Variants in METTL9 observed in about 807,000 individuals in gnomAD.
METTL9 encodes the protein methyltransferase 9, His-X-His N1(pi)-histidine.
METTL9 carries 10 observed loss-of-function variants against 36.0 expected under a neutral mutation model. That is an observed-to-expected ratio of 0.28 (90% CI 0.17 to 0.47). The LOEUF (loss-of-function observed/expected upper bound fraction) is 0.47, where lower values mean the gene tolerates loss of function less well. Among genes scored for constraint, METTL9 ranks in the 20% least tolerant of loss-of-function variants. METTL9 has a pLI of 0.99. For synonymous variants in METTL9, 175 were observed against 149.7 expected, an observed-to-expected ratio of 1.17 and a Z score of -1.23; for missense variants, 246 against 383.5, an observed-to-expected ratio of 0.64 and a Z score of 3.00.
At chr16:21,648,946 G>A (rs977431281) in intron 4 of METTL9, among the ~76,000 whole-genome samples, 2 of 152,054 alleles carry the variant, frequency 1.3e-5, no homozygotes, top group Admixed American at 1.3e-4. Flanking sequence ...TAGAATCATG[G>A]CGTTTGTGAT....
chr16:21,608,004 C>T (rs1965333701), intron 1 of METTL9, among the ~76,000 whole-genome samples: 1 of 152,128 alleles, frequency 6.6e-6, no homozygotes, highest in Non-Finnish European at 1.5e-5. Flanking sequence ...CAAAAATTAG[C>T]CAGGCGGGGT....
chr16:21,641,432 T>G, intron 4 of METTL9: 1 of 559,766 alleles, frequency 1.8e-6, no homozygotes, highest in Non-Finnish European at 3.1e-6. Flanking sequence ...TCTTTTCAGT[T>G]TACCTTTATT....
chr16:21,646,984 TG>T, intron 4 of METTL9: 1 of 1,051,632 alleles, frequency 9.5e-7, no homozygotes, highest in Non-Finnish European at 1.5e-6. Context: ...CCAAACCTCA[TG>T]GTGACTTGTG....
At chr16:21,604,453 A>T (rs1965219231) in intron 1 of METTL9, among the ~76,000 whole-genome samples, 1 of 152,124 alleles carries the variant, frequency 6.6e-6, no homozygotes, top group South Asian at 2.1e-4. Flanking sequence ...TAGTATTTGC[A>T]ATGAGGATTG....
chr16:21,633,731 A>G (rs1966019674), intron 4 of METTL9, among the ~76,000 whole-genome samples: 1 of 152,126 alleles, frequency 6.6e-6, no homozygotes, highest in Non-Finnish European at 1.5e-5. Context: ...CCTAGAATTG[A>G]GGTGTTTCAG....
At chr16:21,644,068 A>C (rs1379241520) in intron 4 of METTL9, among the ~76,000 whole-genome samples, 1 of 152,150 alleles carries the variant, frequency 6.6e-6, no homozygotes, top group Non-Finnish European at 1.5e-5. Flanking sequence ...TTAAAGAGAA[A>C]ACAGCAAACT....
intron 4 of METTL9, among the ~76,000 whole-genome samples, chr16:21,645,569 A>G (rs1376869404): frequency 6.6e-6 from 1 of 152,230 alleles, no homozygotes; most frequent in Non-Finnish European, 1.5e-5. Flanking sequence ...CAACTAAAAT[A>G]AAAAAGCTTC....
upstream of METTL9, chr16:21,599,349 T>C (rs1436328572): frequency 1.3e-5 from 13 of 979,788 alleles, no homozygotes; most frequent in East Asian, 2.0e-4. The surrounding 1 kb of genome is among the most constrained non-coding windows in gnomAD (Gnocchi z 4.4). Context: ...ACCTCCGCCA[T>C]TTACTAGAGG....
At chr16:21,642,586 A>G (rs1966301247) in intron 4 of METTL9, among the ~76,000 whole-genome samples, 2 of 152,204 alleles carry the variant, frequency 1.3e-5, no homozygotes, top group African/African-American at 4.8e-5. Flanking sequence ...ATATACATGT[A>G]TTCTTTTCAG....
chr16:21,632,902 T>G (rs1226227564), intron 4 of METTL9, among the ~76,000 whole-genome samples: 1 of 152,146 alleles, frequency 6.6e-6, no homozygotes, highest in Non-Finnish European at 1.5e-5. Flanking sequence ...CTGTGATGTA[T>G]AAAGAGAAGT....
At chr16:21,602,920 A>G (rs1597737366) in intron 1 of METTL9, among the ~76,000 whole-genome samples, 1 of 152,126 alleles carries the variant, frequency 6.6e-6, no homozygotes, top group Non-Finnish European at 1.5e-5. Flanking sequence ...GGGCCTCCCA[A>G]AGTGCTGGGA....
chr16:21,622,879 A>G (rs1965739216), intron 3 of METTL9, among the ~76,000 whole-genome samples: 1 of 152,224 alleles, frequency 6.6e-6, no homozygotes, highest in African/African-American at 2.4e-5. Context: ...TTCATTGCAG[A>G]TAGACATCAG....
chr16:21,633,123 G>C (rs550685330), intron 4 of METTL9, among the ~76,000 whole-genome samples: 7 of 152,230 alleles, frequency 4.6e-5, no homozygotes, highest in Non-Finnish European at 1.0e-4. Flanking sequence ...CCCCGCAACT[G>C]TTTTAATGTC....
intron 4 of METTL9, chr16:21,647,462 G>A: frequency 6.2e-7 from 1 of 1,613,902 alleles, no homozygotes; most frequent in East Asian, 2.2e-5. Flanking sequence ...CCACGGTTGT[G>A]TGACAGAGAG....
intron 4 of METTL9, among the ~76,000 whole-genome samples, chr16:21,644,921 C>T (rs1966386031): frequency 6.6e-6 from 1 of 152,194 alleles, no homozygotes; most frequent in South Asian, 2.1e-4. Flanking sequence ...TCACTGCGTG[C>T]TTGAAAGACA....
chr16:21,655,099 A>T (rs1966672418), intron 4 of METTL9, 128 bp from the exon 5 acceptor site: 1 of 748,498 alleles, frequency 1.3e-6, no homozygotes, highest in South Asian at 1.9e-5. Flanking sequence ...GAAGTACAAA[A>T]GAGGTAACTC....
At chr16:21,623,227 T>C (rs889091554) in intron 3 of METTL9, among the ~76,000 whole-genome samples, 27 of 152,218 alleles carry the variant, frequency 1.8e-4, no homozygotes, top group African/African-American at 6.0e-4. Context: ...ATCTGACTAG[T>C]CCCTGGAAGT....
chr16:21,637,304 T>C (rs1966124690), intron 4 of METTL9, among the ~76,000 whole-genome samples: 1 of 152,172 alleles, frequency 6.6e-6, no homozygotes, highest in African/African-American at 2.4e-5. Flanking sequence ...CACAGAGTGC[T>C]GATTGGTGCG....
rs543364360 is a variant in METTL9 at position 21,644,373 on chromosome 16, G to C, written c.752-10854G>C. 436 of 1,613,358 alleles carry C rather than the reference G, an allele frequency of 2.7e-4. 7 individuals carry two copies. The South Asian group carries it at 4.1e-3, about 15-fold the overall frequency. On this transcript the variant is annotated intron_variant, in intron 4 of 4. Coordinates refer to ENST00000358154, the MANE Select transcript of METTL9 (RefSeq NM_016025.5). ...ACAAGAGCTGTCAGGAAGCTCCGCA[G>C]TTCCTTGCTGAGCAGCTTAATTTCT...
Sources: gnomAD v4.1 joint callset for allele counts (sites outside exome capture counted in the v4.1 genomes callset) on GRCh38, gnomAD v4.1.1 for gene constraint, Gnocchi (gnomAD v3.1) non-coding constraint, MANE v1.5 for transcripts, NCBI Gene and HGNC (gene_info 2026-07-23, HGNC 2026-07-21) for gene names.